The following AVL9 variants were observed in gnomAD, a reference collection of about 807,000 sequenced individuals.
AVL9 encodes AVL9 cell migration associated.
In AVL9, 49 loss-of-function variants were observed where a neutral mutation model predicts 79.2. That is an observed-to-expected ratio of 0.62 (90% CI 0.49 to 0.79). The LOEUF (loss-of-function observed/expected upper bound fraction) is 0.79. Among genes scored for constraint, AVL9 ranks in the 30% least tolerant of loss-of-function variants. The pLI is 0.00. For synonymous variants in AVL9, 299 were observed against 280.6 expected (o/e 1.07, Z -0.65); for missense variants, 682 against 776.8 (o/e 0.88, Z 1.45).
In AVL9 at chr7:32,559,455, C is replaced by CT; in HGVS notation, c.1208dup (p.Thr404HisfsTer32). On this transcript the variant is annotated frameshift_variant, in exon 10 of 16. Transcript: ENST00000318709. LOFTEE classifies it high-confidence loss of function. ...ATCAGTATGGCATGCCCCTGGCCATCTTCACAAAGGTAAAGTGTAATATTT... is the reference window on the plus strand; with the variant it reads ...ATCAGTATGGCATGCCCCTGGCCATCTTTCACAAAGGTAAAGTGTAATATTT... 4 of 1,536,696 alleles carry CT rather than the reference C, an allele frequency of 2.6e-6. No homozygotes were observed. Among genetic ancestry groups the CT allele is most frequent in the Non-Finnish European group, 3.5e-6 (4 of 1,144,572 alleles).
intron 10 of AVL9, chr7:32,562,808 G>A (rs754504631): frequency 6.8e-5 from 11 of 160,642 alleles, no homozygotes; most frequent in Non-Finnish European, 1.1e-4. Context: ...TGTAGTCACC[G>A]CTACTTGGGA....
At chr7:32,575,423 A>G (rs1275631338) in intron 12 of AVL9, among the ~76,000 whole-genome samples, 1 of 152,136 alleles carries the variant, frequency 6.6e-6, no homozygotes. Context: ...TTGACAGTGA[A>G]ATGCTAGGAA....
chr7:32,574,754 A>G (rs115482640), intron 12 of AVL9, among the ~76,000 whole-genome samples: 1,630 of 78,430 alleles, frequency 0.021, 24 homozygotes, highest in African/African-American at 0.07. Flanking sequence ...CTGATCCCAA[A>G]CAGTTTGGCT....
At chr7:32,522,159 C>A (rs1788186463) in intron 1 of AVL9, among the ~76,000 whole-genome samples, 1 of 152,322 alleles carries the variant, frequency 6.6e-6, no homozygotes, top group East Asian at 1.9e-4. Context: ...ACACAGAGTC[C>A]CTACTGGGGC....
intron 8 of AVL9, 68 bp from the exon 9 acceptor site, chr7:32,558,488 CTTT>C (rs1485901059): frequency 8.1e-7 from 1 of 1,227,882 alleles, no homozygotes; most frequent in African/African-American, 1.5e-5. Context: ...ATTTTTCCCT[CTTT>C]TTTATTTGTT....
intron 1 of AVL9, among the ~76,000 whole-genome samples, chr7:32,506,355 C>CAAA (rs148659207): frequency 6.6e-6 from 1 of 152,194 alleles, no homozygotes; most frequent in African/African-American, 2.4e-5. Flanking sequence ...AAGAATTACT[C>CAAA]AAACACAAGC....
chr7:32,530,914 C>A lies in AVL9; in HGVS notation c.94-12227C>A, dbSNP rs145817426. On this transcript the variant is annotated intron_variant, in intron 1 of 15. Transcript: ENST00000318709. ...GAGGTTGCAATGAGCCAAGATCATG[C>A]CACTGCACTCCAGCCTCAGTGACAG... 7.0e-3 allele frequency among the ~76,000 whole-genome samples: 1,070 copies of A among 152,198 alleles called. 15 individuals carry two copies. The highest frequency in any genetic ancestry group is 0.024 in the African/African-American group (1,013 of 41,532).
In AVL9 at chr7:32,583,909, C is replaced by G. The variant is rs1791641942; in HGVS notation, c.*2C>G. The stretch of plus-strand genomic sequence containing the variant: ...GAGCCACCAGATGAGAAGCCTTGAG[C>G]AAGGCGTCAGAGGCTGCTATTGCTT... On this transcript the variant is annotated 3_prime_UTR_variant, in exon 16 of 16. Coordinates refer to ENST00000318709, the MANE Select transcript of AVL9 (RefSeq NM_015060.3). The G allele has an allele frequency of 6.2e-7, 1 of 1,608,728 alleles. No homozygotes were observed. The highest frequency in any genetic ancestry group is 8.5e-7 in the Non-Finnish European group (1 of 1,175,186).
intron 7 of AVL9, among the ~76,000 whole-genome samples, 157 bp downstream of exon 7, chr7:32,553,924 T>C (rs186511454): frequency 4.6e-5 from 7 of 152,330 alleles, no homozygotes; most frequent in Admixed American, 4.6e-4. Flanking sequence ...CTTGGCCTTA[T>C]AACTATACAA....
At chr7:32,514,787 A>G (rs1787838490) in intron 1 of AVL9, among the ~76,000 whole-genome samples, 1 of 152,072 alleles carries the variant, frequency 6.6e-6, no homozygotes, top group South Asian at 2.1e-4. Context: ...ATTTTCCTTT[A>G]CCTACCCAAA....
At position 32,554,590 on chromosome 7, in the gene AVL9, A is replaced by G; in HGVS notation, c.603A>G (p.Glu201=). The G allele has an allele frequency of 1.3e-6, 2 of 1,550,690 alleles. No individual in the cohort carries two copies. The highest frequency in any genetic ancestry group is 1.8e-6 in the Non-Finnish European group (2 of 1,141,858). ...VLILFKLILL[E]KKVLFYISPV... is the part of the protein sequence containing the mutation. ...TCCTATTTAAGCTAATTCTTCTTGA[A>G]AAAAAGGTACGATCCTAAGGGATGA... Residue 201 remains glutamate, a synonymous_variant, in exon 8 of 16, where the codon GAA becomes GAG. Transcript: ENST00000318709.
Position 32,495,497 on chromosome 7 carries a change from T to C in AVL9, c.-213T>C, listed in dbSNP as rs931615736. The stretch of plus-strand genomic sequence containing the variant: ...CGCCGGCGGCGGCCGCCGTGTCAGG[T>C]GACAGCCCGGAAGCTGCGGAAGCGG... On this transcript the variant is annotated 5_prime_UTR_variant, in exon 1 of 16. Coordinates refer to ENST00000318709, the MANE Select transcript of AVL9 (RefSeq NM_015060.3). 7 of 383,980 alleles carry C rather than the reference T, an allele frequency of 1.8e-5. No homozygotes were observed. Among genetic ancestry groups the C allele is most frequent in the South Asian group, 1.4e-4 (1 of 7,084 alleles). The allele number at this position is 383,980 out of a possible 1,614,324, so 23.8% of individuals were successfully genotyped here.
intron 10 of AVL9, among the ~76,000 whole-genome samples, chr7:32,568,001 T>G (rs967005494): frequency 3.3e-5 from 5 of 151,882 alleles, no homozygotes; most frequent in Admixed American, 6.6e-5. Context: ...ATTACAGGTG[T>G]GAGCCATCGC....
chr7:32,495,768 T>C lies in AVL9; in HGVS notation c.59T>C (p.Val20Ala), dbSNP rs1786769538. Residue 20 changes from valine to alanine, a missense_variant, in exon 1 of 16, where the codon GTG becomes GCG. By Grantham distance (64) the Val-to-Ala change is moderately conservative. Transcript: ENST00000318709. The stretch of plus-strand genomic sequence containing the variant: ...CCCCGGGGGCCCGTACTGCACATCG[T>C]GGTGGTCGGATTTCACCACAAGAAG... ...GVPRGPVLHI[V>A]VVGFHHKKGC... is the part of the protein sequence containing the mutation. The C allele has an allele frequency of 7.9e-7, 1 of 1,260,108 alleles. No individual in the cohort carries two copies. The highest frequency in any genetic ancestry group is 1.0e-6 in the Non-Finnish European group (1 of 992,342). 78.1% of individuals were successfully genotyped at this position (1,260,108 alleles called of 1,614,324 possible). A position where few individuals can be genotyped will look rare whatever the true frequency, so the allele number is the denominator to read the frequency against.
intron 10 of AVL9, among the ~76,000 whole-genome samples, chr7:32,561,145 A>G (rs1446506737): frequency 6.6e-6 from 1 of 152,136 alleles, no homozygotes; most frequent in Non-Finnish European, 1.5e-5. Context: ...CTTCAACTTA[A>G]AGTCACCAGC....
chr7:32,570,383 G>A (rs906086208), intron 11 of AVL9, among the ~76,000 whole-genome samples: 3 of 152,158 alleles, frequency 2.0e-5, no homozygotes, highest in African/African-American at 2.4e-5. Context: ...GTAACAGAGA[G>A]ATGAAGTGAT....
At chr7:32,523,736 C>T (rs374116803) in intron 1 of AVL9, among the ~76,000 whole-genome samples, 6 of 125,490 alleles carry the variant, frequency 4.8e-5, no homozygotes, top group Non-Finnish European at 3.3e-5. Context: ...CTTTTCTTTT[C>T]TTTTTTTTTT....
intron 1 of AVL9, among the ~76,000 whole-genome samples, chr7:32,503,191 TG>T (rs1195336050): frequency 2.6e-5 from 4 of 151,540 alleles, no homozygotes; most frequent in Non-Finnish European, 2.9e-5. Context: ...ATTTCAAATA[TG>T]GGCCAGGTGC....
intron 2 of AVL9, 104 bp downstream of exon 2, chr7:32,543,365 G>T: frequency 7.4e-7 from 1 of 1,354,182 alleles, no homozygotes; most frequent in South Asian, 1.4e-5. Flanking sequence ...CAGCCTGTTA[G>T]AACTATTTAT....
Sources: allele counts gnomAD v4.1 joint callset (sites outside exome capture counted in the v4.1 genomes callset), GRCh38; gene constraint gnomAD v4.1.1; transcripts MANE v1.5; gene names NCBI Gene and HGNC (gene_info 2026-07-23, HGNC 2026-07-21).